Variants in DPP10 observed in about 807,000 individuals in gnomAD.
The protein encoded by DPP10 is inactive dipeptidyl peptidase 10.
In DPP10, 33 loss-of-function variants were observed where a neutral mutation model predicts 120.9. That is an observed-to-expected ratio of 0.27 (90% confidence interval 0.21 to 0.37). The LOEUF (loss-of-function observed/expected upper bound fraction) is 0.37, where lower values mean the gene tolerates loss of function less well. Among genes scored for constraint, DPP10 ranks in the 10% least tolerant of loss-of-function variants. The pLI is 1.00. For missense variants in DPP10, 816 were observed against 942.8 expected, an observed-to-expected ratio of 0.87 and a Z score of 1.76; for synonymous variants, 337 against 326.1, an observed-to-expected ratio of 1.03 and a Z score of -0.36.
At chr2:115,786,864 T>C (rs898852567) in intron 17 of DPP10, among the ~76,000 whole-genome samples, 1 of 152,176 alleles carries the variant, frequency 6.6e-6, no homozygotes, top group Non-Finnish European at 1.5e-5. Context: ...TGCATAGGGC[T>C]GGAAGAGGGA....
At chr2:114,768,155 A>G (rs1266352655) in intron 1 of DPP10, among the ~76,000 whole-genome samples, 1 of 149,962 alleles carries the variant, frequency 6.7e-6, no homozygotes, top group Non-Finnish European at 1.5e-5. Context: ...AAGTTCTCAG[A>G]GAAAAAAAAA....
At chr2:115,014,918 A>G (rs1702525209) in intron 1 of DPP10, among the ~76,000 whole-genome samples, 1 of 151,762 alleles carries the variant, frequency 6.6e-6, no homozygotes, top group Non-Finnish European at 1.5e-5. Context: ...ATTCTACCAG[A>G]GGTACAAAGA....
intron 1 of DPP10, among the ~76,000 whole-genome samples, chr2:114,625,406 G>A (rs922395384): frequency 6.6e-5 from 10 of 151,980 alleles, no homozygotes; most frequent in East Asian, 1.9e-4. Flanking sequence ...TTATCAGGAG[G>A]CACACTATGT....
intron 1 of DPP10, among the ~76,000 whole-genome samples, chr2:114,767,475 T>C (rs988520749): frequency 6.6e-5 from 10 of 151,052 alleles, no homozygotes; most frequent in Admixed American, 6.6e-4. Context: ...CAGATAGGAG[T>C]ATTAAAAGGA....
chr2:114,694,559 T>C (rs1699958741), intron 1 of DPP10, among the ~76,000 whole-genome samples: 1 of 152,002 alleles, frequency 6.6e-6, no homozygotes, highest in Non-Finnish European at 1.5e-5. Context: ...TTGAGTTTAT[T>C]CATATTTATT....
intron 2 of DPP10, among the ~76,000 whole-genome samples, chr2:115,331,455 C>T (rs1277467766): frequency 2.0e-5 from 3 of 152,188 alleles, no homozygotes; most frequent in African/African-American, 7.2e-5. Context: ...ACTTCCAGCA[C>T]TATGTTGAAT....
chr2:114,586,264 C>G (rs1690972552), intron 1 of DPP10, among the ~76,000 whole-genome samples: 2 of 152,072 alleles, frequency 1.3e-5, no homozygotes, highest in Non-Finnish European at 1.5e-5. Flanking sequence ...AACAAGCAAG[C>G]AAGCGAACAA....
At chr2:115,267,124 T>C (rs2059494699) in intron 1 of DPP10, among the ~76,000 whole-genome samples, 1 of 152,172 alleles carries the variant, frequency 6.6e-6, no homozygotes, top group Non-Finnish European at 1.5e-5. Context: ...AATGATTATA[T>C]GCTAGAAGGA....
At chr2:115,119,578 G>C (rs539561777) in intron 1 of DPP10, among the ~76,000 whole-genome samples, 29 of 152,290 alleles carry the variant, frequency 1.9e-4, no homozygotes, top group Admixed American at 1.9e-3. Context: ...TTTTGTGGTA[G>C]TATGTTCTGT....
intron 2 of DPP10, among the ~76,000 whole-genome samples, chr2:115,333,334 G>T (rs185727063): frequency 1.3e-5 from 2 of 152,104 alleles, no homozygotes; most frequent in South Asian, 4.2e-4. Context: ...TGTGAGATGC[G>T]TCTCCTGAAT....
At chr2:114,925,728 A>T (rs561126371) in intron 1 of DPP10, among the ~76,000 whole-genome samples, 1 of 152,296 alleles carries the variant, frequency 6.6e-6, no homozygotes, top group South Asian at 2.1e-4. Context: ...AGAGCCCTGT[A>T]GCTGTGTGTG....
chr2:115,105,331 A>G (rs2048893440), intron 1 of DPP10, among the ~76,000 whole-genome samples: 1 of 152,146 alleles, frequency 6.6e-6, no homozygotes, highest in Non-Finnish European at 1.5e-5. Context: ...AAGCTGTCCA[A>G]GAAGCATGGT....
intron 1 of DPP10, among the ~76,000 whole-genome samples, chr2:114,796,457 T>A (rs1697744028): frequency 6.6e-6 from 1 of 151,930 alleles, no homozygotes; most frequent in African/African-American, 2.4e-5. Flanking sequence ...TACTTTATTG[T>A]AATAATATAG....
chr2:115,293,462 CCGTGA>C (rs1026527443), intron 1 of DPP10, among the ~76,000 whole-genome samples: 2 of 152,072 alleles, frequency 1.3e-5, no homozygotes, highest in Admixed American at 6.6e-5. Flanking sequence ...ATTCAGTTAA[CCGTGA>C]CGTAGGCAGT....
At chr2:114,813,255 C>T (rs945854066) in intron 1 of DPP10, among the ~76,000 whole-genome samples, 2 of 152,002 alleles carry the variant, frequency 1.3e-5, no homozygotes, top group Non-Finnish European at 2.9e-5. Context: ...ACACTAAAAA[C>T]ATATATAGGA....
intron 3 of DPP10, among the ~76,000 whole-genome samples, chr2:115,401,473 C>T (rs1361693876): frequency 6.6e-6 from 1 of 152,000 alleles, no homozygotes; most frequent in African/African-American, 2.4e-5. Flanking sequence ...GTCCTAATTA[C>T]TTGGGAGGTT....
intron 1 of DPP10, among the ~76,000 whole-genome samples, chr2:115,094,295 A>T (rs1242551836): frequency 6.6e-6 from 1 of 152,184 alleles, no homozygotes; most frequent in Non-Finnish European, 1.5e-5. Flanking sequence ...TTACTGCAAC[A>T]AAAGCTCTGT....
At chr2:114,682,197 C>T (rs1294369755) in intron 1 of DPP10, among the ~76,000 whole-genome samples, 1 of 151,982 alleles carries the variant, frequency 6.6e-6, no homozygotes, top group Non-Finnish European at 1.5e-5. Flanking sequence ...CCCATCCTCT[C>T]TCTGAAGGGG....
intron 7 of DPP10, among the ~76,000 whole-genome samples, chr2:115,693,378 G>A (rs1163710866): frequency 6.6e-6 from 1 of 152,120 alleles, no homozygotes; most frequent in Non-Finnish European, 1.5e-5. Context: ...CTCTGATGTT[G>A]TGAACAATAG....
Sources: gnomAD v4.1 joint callset for allele counts (sites outside exome capture counted in the v4.1 genomes callset) on GRCh38, gnomAD v4.1.1 for gene constraint, MANE v1.5 for transcripts, NCBI Gene and HGNC (gene_info 2026-07-23, HGNC 2026-07-21) for gene names.